Variants in ANO2 observed in about 807,000 individuals in gnomAD.
ANO2 encodes anoctamin-2.
ANO2 carries 101 observed loss-of-function variants against 124.2 expected under a neutral mutation model. That is an observed-to-expected ratio of 0.81 (90% CI 0.69 to 0.96). The LOEUF (loss-of-function observed/expected upper bound fraction) is 0.96. Among genes scored for constraint, ANO2 ranks in the 40% least tolerant of loss-of-function variants. The pLI is 0.00. For synonymous variants in ANO2, 486 were observed against 482.5 expected, an observed-to-expected ratio of 1.01 and a Z score of -0.09; for missense variants, 1,293 against 1,274.5, an observed-to-expected ratio of 1.01 and a Z score of -0.22.
chr12:5,903,672 T>TGTGTGG (rs1555181047), intron 3 of ANO2, among the ~76,000 whole-genome samples: 3 of 151,778 alleles, frequency 2.0e-5, no homozygotes, highest in Non-Finnish European at 2.9e-5. Context: ...TGTGTGTGTG[T>TGTGTGG]GTGTGGGTGT....
intron 1 of ANO2, among the ~76,000 whole-genome samples, chr12:5,933,504 G>A (rs957707582): frequency 6.6e-6 from 1 of 152,192 alleles, no homozygotes; most frequent in Non-Finnish European, 1.5e-5. Context: ...ATGGATGGGT[G>A]GGTGGGTGGA....
chr12:5,938,098 A>G (rs1942731092), intron 1 of ANO2, among the ~76,000 whole-genome samples: 1 of 152,180 alleles, frequency 6.6e-6, no homozygotes, highest in African/African-American at 2.4e-5. Context: ...ACTCTTAGCC[A>G]AGGACTCACG....
chr12:5,843,651 C>T (rs138639380), intron 4 of ANO2, among the ~76,000 whole-genome samples: 150 of 150,788 alleles, frequency 9.9e-4, no homozygotes, highest in African/African-American at 3.2e-3. Context: ...AAAACAGTTC[C>T]GATAAAGGAA....
intron 2 of ANO2, 45 bp from the exon 3 acceptor site, chr12:5,921,411 G>C (rs760471139): frequency 6.4e-7 from 1 of 1,573,592 alleles, no homozygotes; most frequent in Non-Finnish European, 8.7e-7. Flanking sequence ...TGGTGAGTAA[G>C]GGGTGAGAAA....
intron 23 of ANO2, among the ~76,000 whole-genome samples, chr12:5,571,758 G>A (rs11063761): frequency 0.23 from 35,223 of 151,158 alleles, 4,470 homozygotes; most frequent in Admixed American, 0.34. Context: ...TTATCTCAAG[G>A]ATCTCAATTC....
At position 5,563,204 on chromosome 12, in the gene ANO2, GCAGA is replaced by G. The variant is rs1941533401; in HGVS notation, c.*91_*94del. 8.2e-6 allele frequency: 12 copies of G among 1,469,512 alleles called. No individual in the cohort carries two copies. The highest frequency in any genetic ancestry group is 1.0e-5 in the Non-Finnish European group (11 of 1,104,992). 91.0% of individuals were successfully genotyped at this position (1,469,512 alleles called of 1,614,324 possible). A position where few individuals can be genotyped will look rare whatever the true frequency, so the allele number is the denominator to read the frequency against. ...CAAGACCCCATCAAGCCAGGCCCCT[GCAGA>G]CAGACAGCACGCCATGTGGGTGTAG... On this transcript the variant is annotated 3_prime_UTR_variant, in exon 25 of 25. Transcript: ENST00000682330.
intron 3 of ANO2, among the ~76,000 whole-genome samples, chr12:5,855,429 T>G (rs528844791): frequency 6.6e-6 from 1 of 152,344 alleles, no homozygotes; most frequent in South Asian, 2.1e-4. Flanking sequence ...CAATGGCAGC[T>G]CCAAAATATG....
At chr12:5,651,910 G>A (rs1946932444) in intron 14 of ANO2, among the ~76,000 whole-genome samples, 2 of 152,176 alleles carry the variant, frequency 1.3e-5, no homozygotes, top group Admixed American at 1.3e-4. Flanking sequence ...TGTCCATGTG[G>A]TTGCATGTCT....
At chr12:5,942,042 A>G (rs755375089) in intron 1 of ANO2, among the ~76,000 whole-genome samples, 82 of 152,070 alleles carry the variant, frequency 5.4e-4, no homozygotes, top group Non-Finnish European at 8.2e-4. Flanking sequence ...GGGAAAGGAT[A>G]ACAAATGGAA....
intron 15 of ANO2, among the ~76,000 whole-genome samples, chr12:5,640,703 A>T (rs1456380649): frequency 1.3e-5 from 2 of 152,224 alleles, no homozygotes; most frequent in African/African-American, 4.8e-5. Context: ...TAGAATGGCA[A>T]TCATTAAAAG....
chr12:5,744,793 G>C (rs1054121190), intron 11 of ANO2, among the ~76,000 whole-genome samples: 2 of 152,144 alleles, frequency 1.3e-5, no homozygotes, highest in African/African-American at 4.8e-5. Context: ...ACACGAGTGT[G>C]TGGCTAGACC....
intron 4 of ANO2, among the ~76,000 whole-genome samples, chr12:5,834,535 G>A (rs2137222616): frequency 6.6e-6 from 1 of 152,326 alleles, no homozygotes; most frequent in Admixed American, 6.5e-5. Context: ...GGATTTGGCA[G>A]AAGGGTAATC....
intron 14 of ANO2, among the ~76,000 whole-genome samples, chr12:5,708,347 C>T (rs1035537878): frequency 6.6e-6 from 1 of 152,192 alleles, no homozygotes; most frequent in African/African-American, 2.4e-5. Flanking sequence ...CTAAAATCCT[C>T]CAGTAACTTT....
At chr12:5,698,656 G>A (rs1949286028) in intron 14 of ANO2, among the ~76,000 whole-genome samples, 1 of 152,190 alleles carries the variant, frequency 6.6e-6, no homozygotes. Flanking sequence ...CCGAGCTAAA[G>A]GAGGATGTTC....
At chr12:5,699,302 A>G (rs1949312346) in intron 14 of ANO2, among the ~76,000 whole-genome samples, 1 of 152,222 alleles carries the variant, frequency 6.6e-6, no homozygotes, top group African/African-American at 2.4e-5. Flanking sequence ...ATTCTTAAAG[A>G]AAAGAATTTT....
intron 16 of ANO2, among the ~76,000 whole-genome samples, chr12:5,627,134 T>C (rs1249049056): frequency 2.0e-5 from 3 of 152,310 alleles, no homozygotes; most frequent in East Asian, 3.9e-4. Context: ...ACTTGGCCTA[T>C]AACCGTACTC....
chr12:5,750,971 C>A lies in ANO2; in HGVS notation c.1056-1G>T. ...TCCAATTTTTTCTCCAAAATACTTTCTGGAAAAGAAAGAAAAGAAAATGAA... is the reference window on the plus strand; with the variant it reads ...TCCAATTTTTTCTCCAAAATACTTTATGGAAAAGAAAGAAAAGAAAATGAA... On this transcript the variant is annotated splice_acceptor_variant, in intron 10 of 24. Coordinates refer to ENST00000682330, the MANE Select transcript of ANO2 (RefSeq NM_001364791.2). LOFTEE classifies it high-confidence loss of function. 1 of 1,591,178 alleles carries A rather than the reference C, an allele frequency of 6.3e-7. No individual in the cohort carries two copies. The highest frequency in any genetic ancestry group is 8.6e-7 in the Non-Finnish European group (1 of 1,169,054).
At chr12:5,715,158 G>C (rs973642130) in intron 14 of ANO2, among the ~76,000 whole-genome samples, 1 of 151,810 alleles carries the variant, frequency 6.6e-6, no homozygotes, top group African/African-American at 2.4e-5. Context: ...TCCCTTTCTC[G>C]GAAGTCAGAC....
intron 4 of ANO2, among the ~76,000 whole-genome samples, chr12:5,842,817 C>T (rs1216705340): frequency 6.6e-6 from 1 of 152,222 alleles, no homozygotes; most frequent in African/African-American, 2.4e-5. Flanking sequence ...ACATCCGCCA[C>T]ACGGCCGTGA....
Sources: gnomAD v4.1 joint callset for allele counts (sites outside exome capture counted in the v4.1 genomes callset) on GRCh38, gnomAD v4.1.1 for gene constraint, MANE v1.5 for transcripts, NCBI Gene and HGNC (gene_info 2026-07-23, HGNC 2026-07-21) for gene names.